Variants in AFF3 observed in about 807,000 individuals in gnomAD.
AFF3 encodes AF4/FMR2 family member 3.
In AFF3, 32 loss-of-function variants were observed where a neutral mutation model predicts 129.7. The ratio of observed to expected loss-of-function variants is 0.25; its 90% CI spans 0.19 to 0.33. The LOEUF (loss-of-function observed/expected upper bound fraction) is 0.33, where lower values mean the gene tolerates loss of function less well. Among genes scored for constraint, AFF3 ranks in the 10% least tolerant of loss-of-function variants. The pLI is 1.00. For synonymous variants in AFF3, 644 were observed against 635.4 expected, an observed-to-expected ratio of 1.01 and a Z score of -0.20; for missense variants, 1,373 against 1,592.0, an observed-to-expected ratio of 0.86 and a Z score of 2.34.
intron 7 of AFF3, among the ~76,000 whole-genome samples, chr2:99,879,937 A>G (rs1692582321): frequency 3.3e-5 from 5 of 152,222 alleles, no homozygotes; most frequent in Admixed American, 3.3e-4. Context: ...ACAGAGCATC[A>G]CTTTTTAATA....
In AFF3 at chr2:99,773,671, G is replaced by A. The variant is rs376249612; in HGVS notation, c.922-21370C>T. Among the ~76,000 whole-genome samples, 587 of 152,232 alleles carry A rather than the reference G, an allele frequency of 3.9e-3. 5 individuals are homozygous for A. The highest frequency in any genetic ancestry group is 0.012 in the African/African-American group (510 of 41,544). On this transcript the variant is annotated intron_variant, in intron 8 of 24. Coordinates refer to ENST00000672756, the MANE Select transcript of AFF3 (RefSeq NM_001386135.1). ...TGATTAAGCTAGTGAGAGCAGTTCT[G>A]GATCAAAACTGATCAAAAGTCAGTC...
chr2:100,107,271 G>A, intron 2 of AFF3: 1 of 985,312 alleles, frequency 1.0e-6, no homozygotes, highest in Non-Finnish European at 1.2e-6. Context: ...GTTAGTGAGA[G>A]CCTTTATGGG....
intron 2 of AFF3, among the ~76,000 whole-genome samples, chr2:100,124,014 T>C (rs907264253): frequency 6.6e-6 from 1 of 151,912 alleles, no homozygotes; most frequent in East Asian, 1.9e-4. Flanking sequence ...CAGAACACAA[T>C]GCTAAGAAAA....
intron 7 of AFF3, among the ~76,000 whole-genome samples, chr2:99,867,000 TA>T (rs71376497): frequency 0.17 from 19,898 of 118,304 alleles, 1,801 homozygotes; most frequent in East Asian, 0.27. Flanking sequence ...ATAATAATAA[TA>T]AAAAATAAAT....
chr2:99,940,194 G>A (rs1458910609), intron 7 of AFF3, among the ~76,000 whole-genome samples: 1 of 152,194 alleles, frequency 6.6e-6, no homozygotes, highest in Non-Finnish European at 1.5e-5. Flanking sequence ...TAATCTGCTA[G>A]ATGGGCTTTC....
At position 99,906,484 on chromosome 2, in the gene AFF3, A is replaced by T. The variant is rs561062015; in HGVS notation, c.874-68960T>A. On this transcript the variant is annotated intron_variant, in intron 7 of 24. Coordinates refer to ENST00000672756, the MANE Select transcript of AFF3 (RefSeq NM_001386135.1). ...GCAAGACCTCAGTCCCCAGTCATTCAATCAAACAGAAAGGTTATTCAATCC... is the reference window on the plus strand; with the variant it reads ...GCAAGACCTCAGTCCCCAGTCATTCTATCAAACAGAAAGGTTATTCAATCC... Among the ~76,000 whole-genome samples, 13 of 152,278 alleles carry T rather than the reference A, an allele frequency of 8.5e-5. No individual in the cohort carries two copies. In the South Asian group the frequency reaches 2.7e-3, roughly 32 times the overall value.
intron 4 of AFF3, among the ~76,000 whole-genome samples, chr2:100,022,640 G>A (rs989826760): frequency 1.4e-4 from 21 of 152,236 alleles, no homozygotes; most frequent in African/African-American, 3.9e-4. Context: ...TTGAACTCCT[G>A]ACCACAAGTG....
At chr2:99,909,765 A>G (rs1455866758) in intron 7 of AFF3, among the ~76,000 whole-genome samples, 1 of 152,176 alleles carries the variant, frequency 6.6e-6, no homozygotes, top group Non-Finnish European at 1.5e-5. Flanking sequence ...TTGCTTCTCA[A>G]CTTTCACGTA....
At chr2:99,743,045 C>G (rs1173542479) in intron 10 of AFF3, among the ~76,000 whole-genome samples, 5 of 152,202 alleles carry the variant, frequency 3.3e-5, no homozygotes, top group African/African-American at 1.2e-4. Context: ...GTGGACTTAA[C>G]CAAGTGTTTC....
chr2:99,713,301 G>A (rs1322899675), intron 11 of AFF3, among the ~76,000 whole-genome samples: 6 of 140,806 alleles, frequency 4.3e-5, no homozygotes, highest in East Asian at 2.1e-4. Context: ...ACAGAGTCTC[G>A]CTCTGTCGCT....
At chr2:100,084,353 C>G (rs2666324) in intron 4 of AFF3, among the ~76,000 whole-genome samples, 1 of 152,342 alleles carries the variant, frequency 6.6e-6, no homozygotes, top group African/African-American at 2.4e-5. Context: ...CTTTGAGGTA[C>G]GTATTATTCT....
chr2:99,997,054 C>T (rs1237923837), intron 7 of AFF3, among the ~76,000 whole-genome samples: 1 of 152,128 alleles, frequency 6.6e-6, no homozygotes, highest in East Asian at 1.9e-4. Context: ...GGATACACCA[C>T]AGGTCAGCCC....
chr2:99,569,752 A>C (rs1231879913), intron 18 of AFF3, among the ~76,000 whole-genome samples: 1 of 152,190 alleles, frequency 6.6e-6, no homozygotes, highest in Non-Finnish European at 1.5e-5. Flanking sequence ...CGGCAGCATA[A>C]ACTTTATATA....
intron 7 of AFF3, among the ~76,000 whole-genome samples, chr2:99,867,830 C>T (rs1276659128): frequency 1.3e-5 from 2 of 152,286 alleles, no homozygotes; most frequent in East Asian, 3.9e-4. Flanking sequence ...TCTGGCTACA[C>T]AGTGACGCAT....
chr2:99,883,548 T>C (rs113957980), intron 7 of AFF3, among the ~76,000 whole-genome samples: 2 of 152,372 alleles, frequency 1.3e-5, no homozygotes, highest in African/African-American at 4.8e-5. Context: ...GTCATTAATC[T>C]TTGGAGTGAC....
chr2:99,754,167 T>C (rs1232257751), intron 8 of AFF3, among the ~76,000 whole-genome samples: 1 of 152,222 alleles, frequency 6.6e-6, no homozygotes, highest in Non-Finnish European at 1.5e-5. Flanking sequence ...CCATTTTCAT[T>C]ACTGGAGAGG....
At chr2:99,823,996 A>G (rs1355441408) in intron 8 of AFF3, among the ~76,000 whole-genome samples, 1 of 152,110 alleles carries the variant, frequency 6.6e-6, no homozygotes, top group Non-Finnish European at 1.5e-5. Flanking sequence ...CAGGCTCACT[A>G]CCTAGATGAG....
intron 13 of AFF3, among the ~76,000 whole-genome samples, chr2:99,646,386 A>G (rs1228845808): frequency 6.6e-6 from 1 of 152,198 alleles, no homozygotes; most frequent in Non-Finnish European, 1.5e-5. Context: ...CTGTCCCAGA[A>G]TTATAGAACT....
chr2:99,840,896 G>A (rs917628725), intron 7 of AFF3, among the ~76,000 whole-genome samples: 12 of 152,152 alleles, frequency 7.9e-5, no homozygotes, highest in Admixed American at 5.2e-4. Context: ...AAAATGTACC[G>A]TCAAACCTAC....
Sources: allele counts gnomAD v4.1 joint callset (sites outside exome capture counted in the v4.1 genomes callset), GRCh38; gene constraint gnomAD v4.1.1; transcripts MANE v1.5; gene names NCBI Gene and HGNC (gene_info 2026-07-23, HGNC 2026-07-21).